The following TCF7L1 variants were observed in gnomAD, a reference collection of about 807,000 sequenced individuals.
TCF7L1 encodes transcription factor 7-like 1.
In TCF7L1, 18 loss-of-function variants were observed where a neutral mutation model predicts 63.7. The ratio of observed to expected loss-of-function variants is 0.28; its 90% CI spans 0.20 to 0.42. The LOEUF (loss-of-function observed/expected upper bound fraction) is 0.42. Among genes scored for constraint, TCF7L1 ranks in the 10% least tolerant of loss-of-function variants. The pLI is 1.00. For missense variants in TCF7L1, 654 were observed against 779.3 expected (o/e 0.84, Z 1.91); for synonymous variants, 355 against 340.9 (o/e 1.04, Z -0.46).
In TCF7L1 at chr2:85,148,424, G is replaced by C. The variant is rs558650283; in HGVS notation, c.441+13974G>C. Among the ~76,000 whole-genome samples the C allele has an allele frequency of 9.8e-4, 150 of 152,292 alleles. 1 individual carries two copies. Among genetic ancestry groups the C allele is most frequent in the African/African-American group, 3.4e-3 (140 of 41,548 alleles). On this transcript the variant is annotated intron_variant, in intron 3 of 11. Transcript: ENST00000282111. ...GTCTGGAACTTGGGTTTTGACCAGG[G>C]TTTGCAGAGCACTGAATCCCAGCCG... is the stretch of plus-strand genomic sequence containing the variant.
chr2:85,172,995 G>T (rs534425547), intron 3 of TCF7L1, among the ~76,000 whole-genome samples: 7 of 152,264 alleles, frequency 4.6e-5, no homozygotes, highest in Admixed American at 2.6e-4. Flanking sequence ...CACCCGGACA[G>T]TGTCAGCACA....
At chr2:85,250,328 C>T (rs1208674762) in intron 3 of TCF7L1, among the ~76,000 whole-genome samples, 2 of 152,190 alleles carry the variant, frequency 1.3e-5, no homozygotes, top group African/African-American at 2.4e-5. Context: ...CCATAAGGCA[C>T]CCATCACCCC....
chr2:85,180,587 C>T (rs1394735678), intron 3 of TCF7L1, among the ~76,000 whole-genome samples: 1 of 152,178 alleles, frequency 6.6e-6, no homozygotes, highest in Non-Finnish European at 1.5e-5. Context: ...ATCTTCCACA[C>T]CACCTGGCTC....
chr2:85,255,249 G>A (rs1417345043), intron 3 of TCF7L1, among the ~76,000 whole-genome samples: 1 of 152,068 alleles, frequency 6.6e-6, no homozygotes, highest in African/African-American at 2.4e-5. Flanking sequence ...TCAGGACCAG[G>A]GTGCATGAGC....
intron 4 of TCF7L1, among the ~76,000 whole-genome samples, chr2:85,300,314 A>G (rs776699784): frequency 2.0e-5 from 3 of 152,240 alleles, no homozygotes; most frequent in Non-Finnish European, 4.4e-5. Context: ...TCCAGAAACT[A>G]TCATTAAGAT....
chr2:85,263,994 G>A (rs957627455), intron 3 of TCF7L1, among the ~76,000 whole-genome samples: 8 of 152,246 alleles, frequency 5.3e-5, no homozygotes, highest in Non-Finnish European at 8.8e-5. Flanking sequence ...GGCCAGTGAC[G>A]TGGAAGGCAG....
At chr2:85,222,669 C>CAAAAAAAAAAA (rs60020804) in intron 3 of TCF7L1, among the ~76,000 whole-genome samples, 1 of 58,218 alleles carries the variant, frequency 1.7e-5, no homozygotes, top group African/African-American at 5.5e-5. Flanking sequence ...GACCCCATCT[C>CAAAAAAAAAAA]AAAAAAAAAA....
At chr2:85,261,819 C>T (rs1246575796) in intron 3 of TCF7L1, among the ~76,000 whole-genome samples, 1 of 151,868 alleles carries the variant, frequency 6.6e-6, no homozygotes, top group Non-Finnish European at 1.5e-5. Context: ...CCCAGGAGGC[C>T]ACAGTGAGCC....
intron 3 of TCF7L1, among the ~76,000 whole-genome samples, chr2:85,240,473 C>T (rs1680297009): frequency 6.6e-6 from 1 of 152,102 alleles, no homozygotes; most frequent in Non-Finnish European, 1.5e-5. Context: ...GAGAAACACA[C>T]AGATGATAAA....
At chr2:85,173,743 C>CTT (rs34729115) in intron 3 of TCF7L1, among the ~76,000 whole-genome samples, 2 of 150,158 alleles carry the variant, frequency 1.3e-5, no homozygotes, top group East Asian at 1.9e-4. Flanking sequence ...AGAATTCATT[C>CTT]TTTTTTTTTC....
intron 4 of TCF7L1, among the ~76,000 whole-genome samples, chr2:85,288,321 G>A (rs1681609403): frequency 6.6e-6 from 1 of 152,116 alleles, no homozygotes; most frequent in Admixed American, 6.6e-5. Flanking sequence ...ATTCCAAGGG[G>A]CAGCCAGAGT....
intron 3 of TCF7L1, among the ~76,000 whole-genome samples, chr2:85,136,464 A>G (rs1039424936): frequency 1.3e-5 from 2 of 152,106 alleles, no homozygotes; most frequent in Admixed American, 6.6e-5. Context: ...TCCTTGAGGC[A>G]GCCAACCTTT....
At chr2:85,265,002 C>G (rs1184173619) in intron 3 of TCF7L1, among the ~76,000 whole-genome samples, 1 of 152,090 alleles carries the variant, frequency 6.6e-6, no homozygotes, top group African/African-American at 2.4e-5. Context: ...CACCTTGAGC[C>G]TTATAATGGA....
chr2:85,175,001 C>T (rs765530771), intron 3 of TCF7L1, among the ~76,000 whole-genome samples: 4 of 152,162 alleles, frequency 2.6e-5, no homozygotes, highest in Non-Finnish European at 4.4e-5. Context: ...TCTTTGATAT[C>T]GTTGATTTGC....
intron 3 of TCF7L1, among the ~76,000 whole-genome samples, chr2:85,176,833 A>G (rs189968091): frequency 8.4e-4 from 128 of 152,100 alleles, no homozygotes; most frequent in African/African-American, 3.0e-3. Flanking sequence ...CTAAAAATAC[A>G]AAAATTAGCC....
chr2:85,228,060 A>T (rs572780635), intron 3 of TCF7L1, among the ~76,000 whole-genome samples: 1 of 151,174 alleles, frequency 6.6e-6, no homozygotes. Context: ...TTGTTTTTCC[A>T]TTCAACATTT....
At chr2:85,148,159 G>A (rs17025940) in intron 3 of TCF7L1, among the ~76,000 whole-genome samples, 13,389 of 152,180 alleles carry the variant, frequency 0.088, 679 homozygotes, top group African/African-American at 0.11. Flanking sequence ...AGTGGAAAAT[G>A]GGTCATCTTC....
chr2:85,283,271 C>CCCCG (rs1553406734), intron 3 of TCF7L1, among the ~76,000 whole-genome samples: 36 of 150,000 alleles, frequency 2.4e-4, no homozygotes, highest in East Asian at 5.9e-4. Context: ...CGTGTCCCCC[C>CCCCG]CCCCAAAATG....
At chr2:85,307,567 C>T in intron 10 of TCF7L1, 75 bp from the exon 11 acceptor site, 1 of 1,303,764 alleles carries the variant, frequency 7.7e-7, no homozygotes, top group Non-Finnish European at 1.1e-6. Context: ...CCTGTCTTCT[C>T]TCTGATCTGG....
Sources: gnomAD v4.1 joint callset for allele counts (sites outside exome capture counted in the v4.1 genomes callset) on GRCh38, gnomAD v4.1.1 for gene constraint, MANE v1.5 for transcripts, NCBI Gene and HGNC (gene_info 2026-07-23, HGNC 2026-07-21) for gene names.